Variants in DCDC2C observed in about 807,000 individuals in gnomAD.
DCDC2C encodes the protein doublecortin domain containing 2C.
Under a neutral mutation model 45.0 loss-of-function variants are expected in DCDC2C, and 44 were observed. That is an observed-to-expected ratio of 0.98 (90% confidence interval 0.77 to 1.26). The LOEUF is 1.26. DCDC2C is among the 50% of genes most tolerant of loss of function. DCDC2C has a pLI of 0.00. For synonymous variants in DCDC2C, 187 were observed against 178.8 expected (o/e 1.05, Z -0.37); for missense variants, 447 against 468.9 (o/e 0.95, Z 0.43).
At position 3,785,062 on chromosome 2, in the gene DCDC2C, A is replaced by G. The variant is rs1239748581; in HGVS notation, c.1027A>G (p.Lys343Glu). The G allele has an allele frequency of 1.6e-6, 2 of 1,231,706 alleles. No homozygotes were observed. Among genetic ancestry groups the G allele is most frequent in the Non-Finnish European group, 2.0e-6 (2 of 987,924 alleles). The allele number at this position is 1,231,706 out of a possible 1,614,324, so 76.3% of individuals were successfully genotyped here. A position where few individuals can be genotyped will look rare whatever the true frequency, so the allele number is the denominator to read the frequency against. The stretch of plus-strand genomic sequence containing the variant: ...TATATTTGTTTTTTCATACTAGGAT[A>G]AAGAAGATGCAAGGCTTTGTGAAGA... ...NTPDFEGNKD[K>E]EDARLCEDVE... The change falls in exon 10 of 11, where the codon AAA becomes GAA. Residue 343 changes from lysine (K) to glutamate (E), a missense_variant. Lys to Glu is a moderately conservative substitution (Grantham distance 56). Transcript: ENST00000399143.
chr2:3,768,023 G>A, intron 7 of DCDC2C, 143 bp downstream of exon 7: 1 of 983,368 alleles, frequency 1.0e-6, no homozygotes, highest in Middle Eastern at 3.4e-4. Flanking sequence ...AAAAGGTTCA[G>A]CTTGTAGGTA....
At chr2:3,806,593 A>G (rs1220991064) in intron 10 of DCDC2C, among the ~76,000 whole-genome samples, 1 of 148,936 alleles carries the variant, frequency 6.7e-6, no homozygotes, top group Non-Finnish European at 1.5e-5. Context: ...TCCAGGCTGG[A>G]GTGCAATGGC....
chr2:3,711,025 T>A (rs965705029), intron 2 of DCDC2C, among the ~76,000 whole-genome samples: 1 of 152,236 alleles, frequency 6.6e-6, no homozygotes, highest in Non-Finnish European at 1.5e-5. Context: ...CTGAACTAAT[T>A]ACATTCCCAC....
Position 3,730,631 on chromosome 2 carries a change from GAGA to G in DCDC2C, c.416+3555_416+3557del, listed in dbSNP as rs201754110. Reference sequence around the variant, plus strand: ...CTATTTATTGGGTAGAATGAGCAGGGAGAAGGAGATAACGACTGGTCAGCTGCT... The same window carrying G: ...CTATTTATTGGGTAGAATGAGCAGGGAGGAGATAACGACTGGTCAGCTGCT... On this transcript the variant is annotated intron_variant, in intron 3 of 10. Coordinates refer to ENST00000399143, the MANE Select transcript of DCDC2C (RefSeq NM_001287444.2). 9.2e-3 allele frequency among the ~76,000 whole-genome samples: 1,403 copies of G among 152,300 alleles called. 84 individuals are homozygous for G. Among genetic ancestry groups the G allele is most frequent in the Admixed American group, 0.085 (1,305 of 15,290 alleles).
intron 10 of DCDC2C, among the ~76,000 whole-genome samples, chr2:3,839,773 T>C (rs948717160): frequency 6.6e-6 from 1 of 152,230 alleles, no homozygotes; most frequent in African/African-American, 2.4e-5. Context: ...CACGTCTTTT[T>C]CATCTCACTC....
intron 10 of DCDC2C, among the ~76,000 whole-genome samples, chr2:3,822,954 C>T (rs1287183043): frequency 6.6e-6 from 1 of 152,148 alleles, no homozygotes; most frequent in Non-Finnish European, 1.5e-5. Context: ...TGCACACACT[C>T]TCTTGCCTGC....
Position 3,734,744 on chromosome 2 carries a change from C to T in DCDC2C, c.417-7176C>T, listed in dbSNP as rs1232373900. Reference sequence around the variant, plus strand: ...AGTCCTGAGCTCGGTGAAGCTCTCGCAATCCACGTTTTTATGTTTTGGGGA... The same window carrying T: ...AGTCCTGAGCTCGGTGAAGCTCTCGTAATCCACGTTTTTATGTTTTGGGGA... On this transcript the variant is annotated intron_variant, in intron 3 of 10. Coordinates refer to ENST00000399143, the MANE Select transcript of DCDC2C (RefSeq NM_001287444.2). The surrounding 1 kb of genome is among the most constrained non-coding windows in gnomAD (Gnocchi z 4.2). Among the ~76,000 whole-genome samples, 1 of 152,146 alleles carries T rather than the reference C, an allele frequency of 6.6e-6. No homozygotes were observed. The highest frequency in any genetic ancestry group is 1.5e-5 in the Non-Finnish European group (1 of 68,022).
intron 10 of DCDC2C, among the ~76,000 whole-genome samples, chr2:3,807,058 G>A (rs1179441373): frequency 4.7e-5 from 7 of 147,530 alleles, no homozygotes; most frequent in Non-Finnish European, 7.4e-5. Context: ...GTATTATCTT[G>A]GGACTTTTTT....
At chr2:3,704,186 G>C (rs1211954581) in intron 1 of DCDC2C, 148 bp downstream of exon 1, 2 of 737,580 alleles carry the variant, frequency 2.7e-6, no homozygotes, top group Admixed American at 4.4e-5. Flanking sequence ...CAGCGCAGCC[G>C]GCGTCGGGCC....
intron 3 of DCDC2C, among the ~76,000 whole-genome samples, chr2:3,738,854 G>C (rs770915590): frequency 6.6e-6 from 1 of 152,164 alleles, no homozygotes; most frequent in Non-Finnish European, 1.5e-5. Context: ...TTTGATGTGT[G>C]CCCATCCACA....
intron 2 of DCDC2C, among the ~76,000 whole-genome samples, chr2:3,709,468 C>T (rs1668151656): frequency 6.6e-6 from 1 of 152,260 alleles, no homozygotes; most frequent in Non-Finnish European, 1.5e-5. Context: ...GCATTGTTCA[C>T]AGGCACCAGC....
intron 6 of DCDC2C, among the ~76,000 whole-genome samples, chr2:3,765,720 A>G (rs1192694880): frequency 1.3e-5 from 2 of 152,192 alleles, no homozygotes; most frequent in African/African-American, 2.4e-5. Context: ...ACAAACCAAC[A>G]TCCTTGCCCT....
chr2:3,835,744 A>G (rs1360809375), intron 10 of DCDC2C, among the ~76,000 whole-genome samples: 2 of 152,058 alleles, frequency 1.3e-5, no homozygotes, highest in Admixed American at 6.5e-5. Flanking sequence ...AGGTAAGGAC[A>G]AGATCCTTTT....
At chr2:3,725,862 CCAGGTGGA>C (rs1668662660) in intron 2 of DCDC2C, 2 of 162,760 alleles carry the variant, frequency 1.2e-5, no homozygotes, top group African/African-American at 2.4e-5. Flanking sequence ...GATGAGGCTG[CCAGGTGGA>C]TCCTGGAGGG....
chr2:3,747,060 C>G (rs550993156), intron 4 of DCDC2C, among the ~76,000 whole-genome samples: 1 of 152,252 alleles, frequency 6.6e-6, no homozygotes, highest in South Asian at 2.1e-4. Flanking sequence ...AGGGCTGCAG[C>G]GGTTACAGAT....
intron 4 of DCDC2C, among the ~76,000 whole-genome samples, chr2:3,747,919 C>T (rs1379450110): frequency 1.3e-5 from 2 of 152,080 alleles, no homozygotes; most frequent in Admixed American, 6.5e-5. Flanking sequence ...CTGGGCTGGT[C>T]AGGGCGGGCT....
intron 4 of DCDC2C, among the ~76,000 whole-genome samples, chr2:3,747,171 T>C (rs116801803): frequency 2.6e-5 from 4 of 152,294 alleles, no homozygotes; most frequent in Non-Finnish European, 4.4e-5. Flanking sequence ...CACACATGTG[T>C]GTTCCCGTGG....
intron 8 of DCDC2C, among the ~76,000 whole-genome samples, chr2:3,774,745 T>C (rs1040930174): frequency 6.6e-6 from 1 of 151,584 alleles, no homozygotes; most frequent in African/African-American, 2.4e-5. Context: ...GTATGAATAG[T>C]ATTTGAAAAA....
At chr2:3,780,419 TG>T (rs1394416141) in intron 9 of DCDC2C, among the ~76,000 whole-genome samples, 1 of 152,210 alleles carries the variant, frequency 6.6e-6, no homozygotes, top group Non-Finnish European at 1.5e-5. Flanking sequence ...CTCAGGCTGC[TG>T]GGGGGATCCA....
Sources: gnomAD v4.1 joint callset for allele counts (sites outside exome capture counted in the v4.1 genomes callset) on GRCh38, gnomAD v4.1.1 for gene constraint, Gnocchi (gnomAD v3.1) non-coding constraint, MANE v1.5 for transcripts, NCBI Gene and HGNC (gene_info 2026-07-23, HGNC 2026-07-21) for gene names.